Variants in LGSN observed in about 807,000 individuals in gnomAD.
The protein encoded by LGSN is lengsin.
A neutral mutation model predicts 19.5 loss-of-function variants in LGSN; 21 were observed. The ratio of observed to expected loss-of-function variants is 1.07; its 90% CI spans 0.76 to 1.55. LGSN has a LOEUF of 1.55. Ranked by LOEUF, LGSN falls within the 40% of genes most tolerant of loss-of-function variation. LGSN has a pLI of 0.00. For synonymous variants in LGSN, 257 were observed against 215.6 expected, an observed-to-expected ratio of 1.19 and a Z score of -1.68; for missense variants, 673 against 608.5, an observed-to-expected ratio of 1.11 and a Z score of -1.12.
chr6:63,521,901 T>C, the LGSN span: 1 of 152,208 alleles, frequency 6.6e-6, no homozygotes, highest in African/African-American at 2.4e-5. Context: ...GGGAATCTTA[T>C]AAAAATATAT....
chr6:63,433,440 G>A, the LGSN span, among the ~76,000 whole-genome samples: 2 of 152,156 alleles, frequency 1.3e-5, no homozygotes, highest in Non-Finnish European at 2.9e-5. Flanking sequence ...AAATAGCAGA[G>A]GCAGGATTTG....
chr6:63,323,204 C>G (rs531293996), upstream of LGSN, among the ~76,000 whole-genome samples: 56 of 152,124 alleles, frequency 3.7e-4, no homozygotes, highest in Non-Finnish European at 6.3e-4. Flanking sequence ...TATTCCAAAA[C>G]AGCCCAAGCT....
chr6:63,528,091 G>C, the LGSN span: 1 of 152,202 alleles, frequency 6.6e-6, no homozygotes, highest in East Asian at 1.9e-4. Context: ...GCAGGTAAGT[G>C]TGACTTCCTC....
the LGSN span, among the ~76,000 whole-genome samples, chr6:63,402,186 G>T: frequency 6.6e-6 from 1 of 152,100 alleles, no homozygotes. Flanking sequence ...TAGTTGTCAG[G>T]CAACTGAAAA....
At chr6:63,419,880 CAAAAAAAAAA>C in the LGSN span, among the ~76,000 whole-genome samples, 3 of 57,338 alleles carry the variant, frequency 5.2e-5, no homozygotes, top group African/African-American at 1.8e-4. Flanking sequence ...AACTCCCTCC[CAAAAAAAAAA>C]AAAAAAAAAA....
chr6:63,314,327 G>C (rs747985006), intron 1 of LGSN, among the ~76,000 whole-genome samples: 2 of 152,150 alleles, frequency 1.3e-5, no homozygotes, highest in Non-Finnish European at 2.9e-5. Context: ...CTACCAGCCA[G>C]AAAGTGAGGC....
intron 1 of LGSN, among the ~76,000 whole-genome samples, chr6:63,297,101 A>C (rs1008030017): frequency 6.6e-6 from 1 of 152,076 alleles, no homozygotes; most frequent in Non-Finnish European, 1.5e-5. Flanking sequence ...CAGCACTTTG[A>C]GAGGCCAAGG....
the LGSN span, among the ~76,000 whole-genome samples, chr6:63,423,934 G>A: frequency 6.6e-6 from 1 of 152,120 alleles, no homozygotes; most frequent in African/African-American, 2.4e-5. Flanking sequence ...CAGCTACTTA[G>A]GAAGCCGAGG....
chr6:63,464,155 A>T, the LGSN span, among the ~76,000 whole-genome samples: 2 of 152,136 alleles, frequency 1.3e-5, no homozygotes, highest in African/African-American at 2.4e-5. Flanking sequence ...TTAAAAAAAA[A>T]AATAAGTTTA....
the LGSN span, among the ~76,000 whole-genome samples, chr6:63,433,691 C>T: frequency 6.6e-6 from 1 of 152,212 alleles, no homozygotes; most frequent in African/African-American, 2.4e-5. Flanking sequence ...TAATATAAAA[C>T]ACTCTCTCTT....
the LGSN span, among the ~76,000 whole-genome samples, chr6:63,497,744 A>G: frequency 9.9e-6 from 1 of 100,952 alleles, no homozygotes; most frequent in East Asian, 3.0e-4. Context: ...TTGAATGACA[A>G]CAACAAATCA....
the LGSN span, among the ~76,000 whole-genome samples, chr6:63,481,431 C>A: frequency 6.6e-6 from 1 of 151,964 alleles, no homozygotes. Context: ...CAACCTCTAC[C>A]TCCCAGGTTC....
At chr6:63,379,915 G>T in the LGSN span, among the ~76,000 whole-genome samples, 1 of 151,910 alleles carries the variant, frequency 6.6e-6, no homozygotes, top group Admixed American at 6.6e-5. Context: ...TTGGCTCACT[G>T]CAACCTCTGC....
chr6:63,491,550 T>C, the LGSN span, among the ~76,000 whole-genome samples: 1 of 152,200 alleles, frequency 6.6e-6, no homozygotes, highest in African/African-American at 2.4e-5. Flanking sequence ...AGGCCAGTTA[T>C]AATGAAATAT....
the LGSN span, among the ~76,000 whole-genome samples, chr6:63,505,578 A>AGAAAG: frequency 5.3e-5 from 1 of 18,728 alleles, no homozygotes; most frequent in African/African-American, 3.2e-4. Context: ...AGAAAGAAAG[A>AGAAAG]AAGAAAGAAA....
chr6:63,401,186 G>C, the LGSN span, among the ~76,000 whole-genome samples: 1 of 151,424 alleles, frequency 6.6e-6, no homozygotes, highest in Non-Finnish European at 1.5e-5. Flanking sequence ...TTCAGCACAG[G>C]ATTTCAAACA....
At chr6:63,325,243 T>C in the LGSN span, among the ~76,000 whole-genome samples, 2 of 141,002 alleles carry the variant, frequency 1.4e-5, no homozygotes, top group South Asian at 4.5e-4. Flanking sequence ...AAAGAAATAA[T>C]AAATATCAGA....
At chr6:63,558,757 G>A in the LGSN span, among the ~76,000 whole-genome samples, 4 of 152,192 alleles carry the variant, frequency 2.6e-5, no homozygotes, top group African/African-American at 9.7e-5. Flanking sequence ...GACAGAGAAA[G>A]AATAGGAAAT....
intron 1 of LGSN, among the ~76,000 whole-genome samples, chr6:63,311,666 A>G (rs1052421832): frequency 2.0e-5 from 3 of 152,192 alleles, no homozygotes; most frequent in Admixed American, 6.5e-5. Context: ...TAATGCCTCA[A>G]ACTATATCCT....
Sources: allele counts gnomAD v4.1 joint callset (sites outside exome capture counted in the v4.1 genomes callset), GRCh38; gene constraint gnomAD v4.1.1; transcripts MANE v1.5; gene names NCBI Gene and HGNC (gene_info 2026-07-23, HGNC 2026-07-21).